Variants in PAK1 observed in about 807,000 individuals in gnomAD.
The protein encoded by PAK1 is serine/threonine-protein kinase PAK 1.
Under a neutral mutation model 67.4 loss-of-function variants are expected in PAK1, and 29 were observed. The ratio of observed to expected loss-of-function variants is 0.43; its 90% confidence interval spans 0.32 to 0.59. The LOEUF (loss-of-function observed/expected upper bound fraction) is 0.59. Among genes scored for constraint, PAK1 ranks in the 20% least tolerant of loss-of-function variants. The pLI is 0.07. For missense variants in PAK1, 337 were observed against 670.7 expected (o/e 0.50, Z 5.50); for synonymous variants, 223 against 237.4 (o/e 0.94, Z 0.56).
chr11:77,344,636 T>C (rs1021175069), intron 9 of PAK1, among the ~76,000 whole-genome samples: 3 of 152,222 alleles, frequency 2.0e-5, no homozygotes, highest in Non-Finnish European at 4.4e-5. Flanking sequence ...GTGCTAAATA[T>C]TACTAATGAT....
intron 1 of PAK1, among the ~76,000 whole-genome samples, chr11:77,465,269 C>G (rs1034141454): frequency 6.6e-6 from 1 of 152,092 alleles, no homozygotes; most frequent in Non-Finnish European, 1.5e-5. Context: ...GATTTGGAGA[C>G]AGAAAATATG....
At chr11:77,411,335 G>C (rs1213857043) in intron 1 of PAK1, among the ~76,000 whole-genome samples, 1 of 152,010 alleles carries the variant, frequency 6.6e-6, no homozygotes, top group Non-Finnish European at 1.5e-5. Context: ...TCAAGCCACA[G>C]AGGATGTCTG....
chr11:77,438,493 T>C (rs1303545545), intron 1 of PAK1, among the ~76,000 whole-genome samples: 1 of 152,182 alleles, frequency 6.6e-6, no homozygotes, highest in Non-Finnish European at 1.5e-5. Flanking sequence ...CTATAAATGT[T>C]TGTGGATGGA....
chr11:77,417,405 T>G (rs935021260), intron 1 of PAK1, among the ~76,000 whole-genome samples: 11 of 152,152 alleles, frequency 7.2e-5, no homozygotes, highest in African/African-American at 2.7e-4. Flanking sequence ...CTACATGATA[T>G]TTGGAAAAAG....
intron 13 of PAK1, 33 bp from the exon 14 acceptor site, chr11:77,332,900 C>T: frequency 2.5e-6 from 4 of 1,605,936 alleles, no homozygotes; most frequent in Non-Finnish European, 3.4e-6. Context: ...ACCTTGAGCT[C>T]CAAATGAGGC....
intron 10 of PAK1, among the ~76,000 whole-genome samples, chr11:77,340,996 A>C (rs939959017): frequency 3.9e-5 from 6 of 152,206 alleles, no homozygotes; most frequent in Non-Finnish European, 7.3e-5. Context: ...TGAAGCCCCA[A>C]AGGGCAGAAC....
chr11:77,383,376 G>A (rs1329738587), intron 2 of PAK1, among the ~76,000 whole-genome samples: 2 of 149,304 alleles, frequency 1.3e-5, no homozygotes, highest in Non-Finnish European at 3.0e-5. Context: ...CCAGGCTGGA[G>A]TACAATGGCG....
At chr11:77,377,726 T>C (rs1467287775) in intron 4 of PAK1, among the ~76,000 whole-genome samples, 1 of 152,202 alleles carries the variant, frequency 6.6e-6, no homozygotes, top group Non-Finnish European at 1.5e-5. Flanking sequence ...CATACATACA[T>C]GCAGGAAAGA....
At chr11:77,422,138 GTA>G (rs1955299425) in intron 1 of PAK1, among the ~76,000 whole-genome samples, 1 of 152,180 alleles carries the variant, frequency 6.6e-6, no homozygotes, top group African/African-American at 2.4e-5. Context: ...TGGAAAGGTA[GTA>G]TATATCTCCT....
At chr11:77,489,467 C>T in the PAK1 span, among the ~76,000 whole-genome samples, 1 of 151,746 alleles carries the variant, frequency 6.6e-6, no homozygotes, top group Non-Finnish European at 1.5e-5. Flanking sequence ...TCTCCCTCTC[C>T]CTCTCTTTCC....
chr11:77,459,623 CATT>C (rs1479087838), intron 1 of PAK1, among the ~76,000 whole-genome samples: 12 of 151,474 alleles, frequency 7.9e-5, no homozygotes, highest in Non-Finnish European at 1.6e-4. Flanking sequence ...AATCACAAAT[CATT>C]ATAAATGCCA....
intron 14 of PAK1, among the ~76,000 whole-genome samples, chr11:77,332,082 C>G (rs955165404): frequency 6.6e-6 from 1 of 151,400 alleles, no homozygotes; most frequent in African/African-American, 2.4e-5. Context: ...GTGCGCAGAT[C>G]GCTTGAACCC....
chr11:77,415,590 T>G (rs1954900379), intron 1 of PAK1, among the ~76,000 whole-genome samples: 1 of 151,718 alleles, frequency 6.6e-6, no homozygotes, highest in South Asian at 2.1e-4. Flanking sequence ...ATAGAAAAAG[T>G]ACAGTAAAAA....
In PAK1 at chr11:77,322,643, A is replaced by G. The variant is rs1409832773; in HGVS notation, c.*631T>C. 2 of 228,428 alleles carry G rather than the reference A, an allele frequency of 8.8e-6. No homozygotes were observed. The highest frequency in any genetic ancestry group is 5.0e-5 in the Admixed American group (1 of 20,000). 14.2% of individuals were successfully genotyped at this position (228,428 alleles called of 1,614,324 possible). The stretch of plus-strand genomic sequence containing the variant: ...CCGAGAGCATTTCACAAGAAACAGC[A>G]TGGGAACACTATTGGGTCAAGGTCC... On this transcript the variant is annotated 3_prime_UTR_variant, in exon 15 of 15. Transcript: ENST00000356341.
intron 7 of PAK1, among the ~76,000 whole-genome samples, chr11:77,355,346 A>G (rs1204008828): frequency 1.3e-5 from 2 of 152,156 alleles, no homozygotes; most frequent in African/African-American, 4.8e-5. Flanking sequence ...CTAGGTCCTC[A>G]GTCTTTCTCA....
chr11:77,491,922 A>G, the PAK1 span, among the ~76,000 whole-genome samples: 3 of 152,332 alleles, frequency 2.0e-5, no homozygotes, highest in African/African-American at 4.8e-5. Context: ...AACAAGACCA[A>G]TCATCTGTTG....
chr11:77,455,359 C>A (rs969019127), intron 1 of PAK1, among the ~76,000 whole-genome samples: 2 of 151,984 alleles, frequency 1.3e-5, no homozygotes. Context: ...TTAGGTTCCA[C>A]CATTCAGATG....
intron 13 of PAK1, 142 bp from the exon 14 acceptor site, chr11:77,333,009 T>A: frequency 2.8e-6 from 2 of 712,556 alleles, no homozygotes; most frequent in Admixed American, 2.5e-5. Flanking sequence ...GGAAAGAGTA[T>A]GACCTAAGGA....
At chr11:77,370,534 T>G (rs1432895431) in intron 5 of PAK1, among the ~76,000 whole-genome samples, 1 of 152,190 alleles carries the variant, frequency 6.6e-6, no homozygotes, top group Non-Finnish European at 1.5e-5. Context: ...TTGTATATAT[T>G]CTTTCAGCCC....
Sources: gnomAD v4.1 joint callset for allele counts (sites outside exome capture counted in the v4.1 genomes callset) on GRCh38, gnomAD v4.1.1 for gene constraint, MANE v1.5 for transcripts, NCBI Gene and HGNC (gene_info 2026-07-23, HGNC 2026-07-21) for gene names.